The following DDX11 variants were observed in gnomAD, a reference collection of about 807,000 sequenced individuals.
DDX11 encodes ATP-dependent DNA helicase DDX11.
DDX11 carries 72 observed loss-of-function variants against 125.2 expected under a neutral mutation model. That is an observed-to-expected ratio of 0.58 (90% CI 0.48 to 0.70). The LOEUF (loss-of-function observed/expected upper bound fraction) is 0.70. Among genes scored for constraint, DDX11 ranks in the 30% least tolerant of loss-of-function variants. DDX11 has a pLI of 0.00. For synonymous variants in DDX11, 347 were observed against 452.6 expected, an observed-to-expected ratio of 0.77 and a Z score of 2.96; for missense variants, 883 against 1,165.0, an observed-to-expected ratio of 0.76 and a Z score of 3.52.
At chr12:31,102,186 G>A (rs941395889) in intron 21 of DDX11, 57 bp from the exon 22 acceptor site, 2 of 1,588,026 alleles carry the variant, frequency 1.3e-6, no homozygotes, top group African/African-American at 2.7e-5. Flanking sequence ...GCCACGAGCA[G>A]ACTCGAGACC....
chr12:31,097,852 T>C (rs1945588191), intron 17 of DDX11, 33 bp from the exon 18 acceptor site: 1 of 1,364,354 alleles, frequency 7.3e-7, no homozygotes, highest in Admixed American at 1.7e-5. Flanking sequence ...TCTGTTGGGC[T>C]TGCACTCACC....
intron 15 of DDX11, 127 bp downstream of exon 15, chr12:31,096,506 C>T (rs1044169875): frequency 2.5e-6 from 4 of 1,592,832 alleles, no homozygotes; most frequent in African/African-American, 1.3e-5. Context: ...CTCCTTGGTG[C>T]AGTGGGCCTT....
In DDX11 at chr12:31,101,797, A is replaced by G. The variant is rs535445557; in HGVS notation, c.2053-36A>G. 8.3e-5 allele frequency: 134 copies of G among 1,613,770 alleles called. 1 individual carries two copies. The East Asian group carries it at 2.3e-3, about 27-fold the overall frequency. ...TTGTGGGTGGCTGAGGGGTTGCTCC[A>G]TGGGGGCTCCCTCCCTCCCTCCTTT... On this transcript the variant is annotated intron_variant, in intron 20 of 26. Coordinates refer to ENST00000542838, the MANE Select transcript of DDX11 (RefSeq NM_030653.4).
chr12:31,099,076 C>CTTTT (rs1945864738), intron 18 of DDX11, among the ~76,000 whole-genome samples: 1 of 60,552 alleles, frequency 1.7e-5, no homozygotes, highest in Non-Finnish European at 3.0e-5. Context: ...GTATTTCTTT[C>CTTTT]TTTCTTTCTT....
At chr12:31,087,600 A>G (rs1280391595) in intron 5 of DDX11, 1 of 399,566 alleles carries the variant, frequency 2.5e-6, no homozygotes, top group Non-Finnish European at 4.8e-6. Flanking sequence ...AAGAGCAAAT[A>G]TCCGCCCTGG....
chr12:31,086,109 T>C (rs1377837829), intron 5 of DDX11: 2 of 454,246 alleles, frequency 4.4e-6, no homozygotes. Context: ...GCACCAGGCC[T>C]TCCTCTGTCC....
At chr12:31,095,529 CT>C (rs904294565) in intron 14 of DDX11, among the ~76,000 whole-genome samples, 3 of 152,088 alleles carry the variant, frequency 2.0e-5, no homozygotes, top group Admixed American at 6.5e-5. Flanking sequence ...TCCTGCCTGC[CT>C]TTTTTTTCTT....
chr12:31,099,260 G>T (rs1328214727), intron 18 of DDX11, among the ~76,000 whole-genome samples: 11 of 150,788 alleles, frequency 7.3e-5, no homozygotes, highest in Non-Finnish European at 1.5e-4. Context: ...GCTAATTTTT[G>T]TATTTTAGTA....
chr12:31,096,332 T>C lies in DDX11; in HGVS notation c.1483-9T>C. The C allele has an allele frequency of 6.2e-7, 1 of 1,608,584 alleles. No individual in the cohort carries two copies. The highest frequency in any genetic ancestry group is 8.5e-7 in the Non-Finnish European group (1 of 1,176,676). ...CACTCATGCCTACAGCTGGGCTTGGTTTTTGCAGGTGCAGCGATACTGTGA... is the reference window on the plus strand; with the variant it reads ...CACTCATGCCTACAGCTGGGCTTGGCTTTTGCAGGTGCAGCGATACTGTGA... On this transcript the variant is annotated splice_polypyrimidine_tract_variant and intron_variant, in intron 14 of 26. Coordinates refer to ENST00000542838, the MANE Select transcript of DDX11 (RefSeq NM_030653.4).
At chr12:31,079,550 T>G (rs1230637340) in intron 2 of DDX11, among the ~76,000 whole-genome samples, 5 of 146,994 alleles carry the variant, frequency 3.4e-5, no homozygotes, top group Non-Finnish European at 7.4e-5. Flanking sequence ...CTCTTTCTCT[T>G]TTATGAGGAC....
At position 31,101,031 on chromosome 12, in the gene DDX11, C is replaced by T. The variant is rs771730870; in HGVS notation, c.1953C>T (p.His651=). ...AERVVEFSCG[H]VIPPDNILPL... ...CCCCTCCCTGGCTCTTACCAGGTCA[C>T]GTGATCCCTCCAGACAACATCCTGC... is the stretch of plus-strand genomic sequence containing the variant. Residue 651 remains histidine, a synonymous_variant, in exon 20 of 27, where the codon CAC becomes CAT. Transcript: ENST00000542838. The T allele has an allele frequency of 6.2e-6, 10 of 1,613,828 alleles. No homozygotes were observed. Among genetic ancestry groups the T allele is most frequent in the Admixed American group, 3.3e-5 (2 of 60,034 alleles).
At chr12:31,098,134 C>T (rs1384318394) in intron 18 of DDX11, 137 bp downstream of exon 18, 2 of 604,400 alleles carry the variant, frequency 3.3e-6, no homozygotes, top group Non-Finnish European at 6.1e-6. Flanking sequence ...CCAGTGGTGT[C>T]CGCTGGGTGA....
Position 31,087,963 on chromosome 12 carries a change from G to A in DDX11, c.664G>A (p.Glu222Lys). The A allele has an allele frequency of 6.2e-7, 1 of 1,608,062 alleles. No homozygotes were observed. Among genetic ancestry groups the A allele is most frequent in the Non-Finnish European group, 8.5e-7 (1 of 1,177,658 alleles). The change falls in exon 6 of 27, where the codon GAG (glutamate) becomes AAG (lysine). Residue 222 changes from glutamate (E) to lysine (K), a missense_variant. Glu to Lys is a moderately conservative substitution (Grantham distance 56, BLOSUM62 1). Coordinates refer to ENST00000542838, the MANE Select transcript of DDX11 (RefSeq NM_030653.4). ...AGTGGATGAGGATGAGGATGACCTG[G>A]AGGAAGAACACATAACTAAGGTAAC... ...SRVDEDEDDLEEEHITKIYYC... is the reference protein window; with the variant it reads ...SRVDEDEDDLKEEHITKIYYC...
intron 1 of DDX11, among the ~76,000 whole-genome samples, chr12:31,074,600 C>CA (rs1940429824): frequency 6.6e-6 from 1 of 152,198 alleles, no homozygotes; most frequent in Non-Finnish European, 1.5e-5. Context: ...GGGTTCCACA[C>CA]AGGGTGCGAG....
Position 31,102,527 on chromosome 12 carries a change from G to T in DDX11, c.2372G>T (p.Arg791Leu), listed in dbSNP as rs147656831. 1 of 1,612,444 alleles carries T rather than the reference G, an allele frequency of 6.2e-7. No individual in the cohort carries two copies. Among genetic ancestry groups the T allele is most frequent in the Non-Finnish European group, 8.5e-7 (1 of 1,178,488 alleles). The change falls in exon 23 of 27, where the codon CGG becomes CTG. Residue 791 changes from arginine to leucine, a missense_variant and splice_region_variant. Transcript: ENST00000542838. ...EGINFSDNLG[R>L]CVVMVGMPFP... ...ATCAACTTCTCTGACAACCTAGGCC[G>T]GTAAGTAGTGGTTCTGCTCGTCTCC...
In DDX11 at chr12:31,099,651, G is replaced by A. The variant is rs535836897; in HGVS notation, c.1876-984G>A. ...GTCACGTGGAACCAGGCTTCTCTCC[G>A]TGTGCTTCTGTTGTCAGTTTCATAG... On this transcript the variant is annotated intron_variant, in intron 18 of 26. Transcript: ENST00000542838. 1.4e-4 allele frequency among the ~76,000 whole-genome samples: 21 copies of A among 151,804 alleles called. No individual in the cohort carries two copies. The South Asian group carries it at 3.1e-3, about 23-fold the overall frequency.
rs376137064 is a variant in DDX11 at position 31,077,643 on chromosome 12, C to G, written c.-4-747C>G. 4.0e-3 allele frequency among the ~76,000 whole-genome samples: 611 copies of G among 151,960 alleles called. 44 individuals are homozygous for G. In the South Asian group the frequency reaches 0.12, roughly 30 times the overall value. On this transcript the variant is annotated intron_variant, in intron 1 of 26. Transcript: ENST00000542838. Reference sequence around the variant, plus strand: ...CGGGCGGATCACGAGGTCAGGAGATCGAGACCATCCTGGCTAACACGGTGA... The same window carrying G: ...CGGGCGGATCACGAGGTCAGGAGATGGAGACCATCCTGGCTAACACGGTGA...
intron 2 of DDX11, among the ~76,000 whole-genome samples, chr12:31,078,955 A>C (rs949048923): frequency 1.3e-5 from 2 of 152,084 alleles, no homozygotes; most frequent in African/African-American, 2.4e-5. Context: ...CCAAAGTGCT[A>C]GGATTACAGG....
chr12:31,077,486 T>C (rs71440932), intron 1 of DDX11, among the ~76,000 whole-genome samples: 79,454 of 150,260 alleles, frequency 0.53, 22,061 homozygotes, highest in East Asian at 0.81. Context: ...TAGTAGGTGG[T>C]GGCTCTGTTC....
Sources: allele counts gnomAD v4.1 joint callset (sites outside exome capture counted in the v4.1 genomes callset), GRCh38; gene constraint gnomAD v4.1.1; transcripts MANE v1.5; gene names NCBI Gene and HGNC (gene_info 2026-07-23, HGNC 2026-07-21).